Variants in SPATA17 observed in about 807,000 individuals in gnomAD.
SPATA17 encodes the protein spermatogenesis associated 17.
Under a neutral mutation model 62.2 loss-of-function variants are expected in SPATA17, and 53 were observed. The observed-to-expected ratio is 0.85, with a 90% CI of 0.68 to 1.07. The LOEUF (loss-of-function observed/expected upper bound fraction) is 1.07, where lower values mean the gene tolerates loss of function less well. Ranked by LOEUF, SPATA17 falls within the 50% of genes least tolerant of loss-of-function variation. The pLI is 0.00. For missense variants in SPATA17, 466 were observed against 425.5 expected (o/e 1.10, Z -0.84); for synonymous variants, 146 against 146.8 (o/e 0.99, Z 0.04).
intron 9 of SPATA17, among the ~76,000 whole-genome samples, chr1:217,842,281 A>G (rs1189163518): frequency 5.5e-4 from 83 of 152,104 alleles, no homozygotes; most frequent in Non-Finnish European, 2.9e-5. Flanking sequence ...TTTCTTAGAC[A>G]GTCCTTGTCA....
chr1:217,683,499 C>A, intron 5 of SPATA17, 138 bp downstream of exon 5: 1 of 573,734 alleles, frequency 1.7e-6, no homozygotes, highest in Non-Finnish European at 3.1e-6. Flanking sequence ...AGTGCAGTGG[C>A]GCAATCTCGG....
intron 6 of SPATA17, among the ~76,000 whole-genome samples, chr1:217,764,457 T>A (rs1673251094): frequency 6.6e-6 from 1 of 152,186 alleles, no homozygotes; most frequent in African/African-American, 2.4e-5. Context: ...TTGTTAGAGG[T>A]ACCACAGTGT....
chr1:217,731,775 A>G (rs1473142495), intron 5 of SPATA17, among the ~76,000 whole-genome samples: 2 of 152,148 alleles, frequency 1.3e-5, no homozygotes, highest in East Asian at 3.8e-4. Context: ...CAGTTTTAAT[A>G]CTAAAAAATG....
chr1:217,647,495 T>C (rs1441916726), intron 1 of SPATA17, among the ~76,000 whole-genome samples: 1 of 152,208 alleles, frequency 6.6e-6, no homozygotes, highest in African/African-American at 2.4e-5. Context: ...TAGATAAGAC[T>C]ACTTCCTTCG....
At chr1:217,829,237 A>G (rs750079977) in intron 9 of SPATA17, among the ~76,000 whole-genome samples, 13 of 152,118 alleles carry the variant, frequency 8.5e-5, no homozygotes, top group Non-Finnish European at 1.5e-4. Flanking sequence ...TGAGATATAT[A>G]TTATTATTTT....
chr1:217,666,057 T>G (rs1330654081), intron 3 of SPATA17, among the ~76,000 whole-genome samples: 1 of 152,156 alleles, frequency 6.6e-6, no homozygotes, highest in Non-Finnish European at 1.5e-5. Context: ...TTGGTGAACA[T>G]CTAAAATTGA....
chr1:217,831,805 A>G (rs1675149381), intron 9 of SPATA17, among the ~76,000 whole-genome samples: 1 of 152,148 alleles, frequency 6.6e-6, no homozygotes, highest in Non-Finnish European at 1.5e-5. Flanking sequence ...GGCAGTAATG[A>G]AGAACAATTA....
intron 6 of SPATA17, among the ~76,000 whole-genome samples, chr1:217,749,981 C>CTATATATA (rs1248987599): frequency 4.1e-3 from 110 of 26,966 alleles, no homozygotes; most frequent in Admixed American, 6.9e-3. Context: ...CTCTCTCTCT[C>CTATATATA]TCTCTATATA....
In SPATA17 at chr1:217,870,383, C is replaced by A. The variant is rs1471062309; in HGVS notation, c.*3364C>A. 1 of 152,138 alleles carries A rather than the reference C, an allele frequency of 6.6e-6. No individual in the cohort carries two copies. Among genetic ancestry groups the A allele is most frequent in the African/African-American group, 2.4e-5 (1 of 41,434 alleles). The allele number at this position is 152,138 out of a possible 1,614,324, so 9.4% of individuals were successfully genotyped here. ...CTTAACCACCATCTGCCTCTCCCCC[C>A]AGACACACATAAGTTTATGATAACT... On this transcript the variant is annotated 3_prime_UTR_variant, in exon 11 of 11. Coordinates refer to ENST00000366933, the MANE Select transcript of SPATA17 (RefSeq NM_138796.4).
rs189916684 is a variant in SPATA17, at chr1:217,820,456, T to G, written c.1005+18606T>G. Among the ~76,000 whole-genome samples, 4 of 152,070 alleles carry G rather than the reference T, an allele frequency of 2.6e-5. No homozygotes were observed. In the Admixed American group the frequency reaches 2.6e-4, roughly 10 times the overall value. ...GAATTAACTTTAGAAGTATTAAGAA[T>G]GCAGATAATGTTAAAACTTGAAAAT... On this transcript the variant is annotated intron_variant, in intron 9 of 10. Transcript: ENST00000366933.
rs1411951346 is a variant in SPATA17 at position 217,867,014 on chromosome 1, T to C, written c.*3-8T>C. The C allele has an allele frequency of 2.6e-5, 4 of 152,246 alleles. No homozygotes were observed. In the East Asian group the frequency reaches 7.7e-4, roughly 29 times the overall value. 9.4% of individuals were successfully genotyped at this position (152,246 alleles called of 1,614,324 possible). A position where few individuals can be genotyped will look rare whatever the true frequency, so the allele number is the denominator to read the frequency against. On this transcript the variant is annotated splice_polypyrimidine_tract_variant and splice_region_variant and intron_variant, in intron 10 of 10. Transcript: ENST00000366933. ...ATCTCTTAATCTCTCTAGTTTTCTC[T>C]CTCTTAGGCGTCAGAAGAAGAAACT...
rs533039721 is a variant in SPATA17, at chr1:217,867,645, T to A, written c.*626T>A. The A allele has an allele frequency of 1.3e-5, 2 of 152,224 alleles. No individual in the cohort carries two copies. Among genetic ancestry groups the A allele is most frequent in the African/African-American group, 4.8e-5 (2 of 41,464 alleles). The allele number at this position is 152,224 out of a possible 1,614,324, so 9.4% of individuals were successfully genotyped here. On this transcript the variant is annotated 3_prime_UTR_variant, in exon 11 of 11. Transcript: ENST00000366933. ...TGCCAGGGCTGTGTCAGATCCTGCA[T>A]GGCTCTGAACTACAGTTGGTTTCCA...
chr1:217,764,734 G>A (rs935132479), intron 6 of SPATA17, among the ~76,000 whole-genome samples: 4 of 152,098 alleles, frequency 2.6e-5, no homozygotes, highest in African/African-American at 9.7e-5. Context: ...CTGGCATTTG[G>A]TGGTATCCAG....
chr1:217,866,058 C>A (rs1676004584), intron 10 of SPATA17, among the ~76,000 whole-genome samples: 1 of 151,938 alleles, frequency 6.6e-6, no homozygotes, highest in Non-Finnish European at 1.5e-5. Context: ...CGTCTTTTTT[C>A]CAGAGGGAAT....
chr1:217,743,523 TTAATA>T (rs1049496932), intron 6 of SPATA17, among the ~76,000 whole-genome samples: 18 of 152,280 alleles, frequency 1.2e-4, no homozygotes, highest in East Asian at 1.9e-4. Context: ...TGAATCTTTC[TTAATA>T]TGAGTTCTAG....
At chr1:217,637,222 G>T (rs1669962866) in intron 1 of SPATA17, among the ~76,000 whole-genome samples, 1 of 152,052 alleles carries the variant, frequency 6.6e-6, no homozygotes, top group Non-Finnish European at 1.5e-5. Context: ...ATCTTATAAG[G>T]TTATTTTTCT....
At chr1:217,687,858 T>C (rs374146824) in intron 5 of SPATA17, among the ~76,000 whole-genome samples, 15 of 152,360 alleles carry the variant, frequency 9.8e-5, no homozygotes, top group Middle Eastern at 3.4e-3. Context: ...TGTATTTTAA[T>C]TGAGCAATAA....
At chr1:217,631,896 G>C (rs901527283) in intron 1 of SPATA17, among the ~76,000 whole-genome samples, 1 of 152,064 alleles carries the variant, frequency 6.6e-6, no homozygotes, top group Non-Finnish European at 1.5e-5. Context: ...TAAAATGAAC[G>C]TATCTGCCGG....
rs1008604582 is a variant in SPATA17, at chr1:217,794,929, CA to C, written c.873-6784del. ...TGTTTTAGCCTAACATATCAGATCA[CA>C]AAAATCATTCTCATTAAAAACAAGT... On this transcript the variant is annotated intron_variant, in intron 8 of 10. Coordinates refer to ENST00000366933, the MANE Select transcript of SPATA17 (RefSeq NM_138796.4). Among the ~76,000 whole-genome samples the C allele has an allele frequency of 1.3e-3, 202 of 152,206 alleles. 1 individual carries two copies. The highest frequency in any genetic ancestry group is 4.8e-3 in the African/African-American group (198 of 41,542).
Sources: allele counts gnomAD v4.1 joint callset (sites outside exome capture counted in the v4.1 genomes callset), GRCh38; gene constraint gnomAD v4.1.1; transcripts MANE v1.5; gene names NCBI Gene and HGNC (gene_info 2026-07-23, HGNC 2026-07-21).